The following RUNDC3B variants were observed in gnomAD, a reference collection of about 807,000 sequenced individuals.
RUNDC3B encodes RUN domain-containing protein 3B.
Under a neutral mutation model 58.4 loss-of-function variants are expected in RUNDC3B, and 33 were observed. The observed-to-expected ratio is 0.56, with a 90% CI of 0.43 to 0.75. RUNDC3B has a LOEUF of 0.75. Ranked by LOEUF, RUNDC3B falls within the 30% of genes least tolerant of loss-of-function variation. RUNDC3B has a pLI of 0.00. For missense variants in RUNDC3B, 501 were observed against 535.7 expected (o/e 0.94, Z 0.64); for synonymous variants, 193 against 195.2 (o/e 0.99, Z 0.10).
chr7:87,722,360 AC>A (rs1042980842), intron 4 of RUNDC3B, among the ~76,000 whole-genome samples: 2 of 151,676 alleles, frequency 1.3e-5, no homozygotes, highest in African/African-American at 4.8e-5. Context: ...CCATGCCCCT[AC>A]CCCCCAGCCT....
At chr7:87,819,352 A>G (rs923097105) in intron 10 of RUNDC3B, among the ~76,000 whole-genome samples, 23 of 152,084 alleles carry the variant, frequency 1.5e-4, no homozygotes, top group Non-Finnish European at 2.9e-4. Context: ...CTAAATATAT[A>G]TGCACCCAAT....
chr7:87,720,710 C>T (rs568818968), intron 4 of RUNDC3B, among the ~76,000 whole-genome samples: 24 of 151,430 alleles, frequency 1.6e-4, no homozygotes, highest in African/African-American at 4.6e-4. Context: ...AAATGATTCT[C>T]CTGACTCAGC....
At chr7:87,811,994 T>C (rs1318077364) in intron 9 of RUNDC3B, among the ~76,000 whole-genome samples, 3 of 152,240 alleles carry the variant, frequency 2.0e-5, no homozygotes, top group Non-Finnish European at 4.4e-5. Flanking sequence ...TTTTGGATAA[T>C]GCTCATCTCC....
At chr7:87,680,268 G>A (rs372629857) in intron 2 of RUNDC3B, among the ~76,000 whole-genome samples, 2 of 150,466 alleles carry the variant, frequency 1.3e-5, no homozygotes, top group Non-Finnish European at 2.9e-5. Flanking sequence ...TCTTAATCCA[G>A]TCTATCATTG....
chr7:87,628,616 TGTGTGTGTG>T lies in RUNDC3B; in HGVS notation c.-206_-198del. Reference sequence around the variant, plus strand: ...GTGTGTGTGTGTGTGTGTGTGTGTGTGTGTGTGTGGAGCTCGGGTGCCAAGGGCGAGCCG... The same window carrying T: ...GTGTGTGTGTGTGTGTGTGTGTGTGTGAGCTCGGGTGCCAAGGGCGAGCCG... On this transcript the variant is annotated 5_prime_UTR_variant, in exon 1 of 11. Transcript: ENST00000394654. 1 of 315,420 alleles carries T rather than the reference TGTGTGTGTG, an allele frequency of 3.2e-6. No homozygotes were observed. The highest frequency in any genetic ancestry group is 5.7e-6 in the Non-Finnish European group (1 of 176,064). The allele number at this position is 315,420 out of a possible 1,614,324, so 19.5% of individuals were successfully genotyped here. A position where few individuals can be genotyped will look rare whatever the true frequency, so the allele number is the denominator to read the frequency against.
At chr7:87,735,217 A>C (rs2130801262) in intron 4 of RUNDC3B, among the ~76,000 whole-genome samples, 1 of 152,276 alleles carries the variant, frequency 6.6e-6, no homozygotes, top group East Asian at 1.9e-4. Flanking sequence ...TTTCTCCCTC[A>C]TTCCCTGTAA....
chr7:87,789,861 A>G (rs1219331362), intron 8 of RUNDC3B, among the ~76,000 whole-genome samples: 1 of 152,218 alleles, frequency 6.6e-6, no homozygotes, highest in African/African-American at 2.4e-5. Context: ...TACCCTCAGT[A>G]TAACAGAACA....
At chr7:87,751,544 C>G in intron 6 of RUNDC3B, among the ~76,000 whole-genome samples, 1 of 152,186 alleles carries the variant, frequency 6.6e-6, no homozygotes, top group Non-Finnish European at 1.5e-5. Flanking sequence ...CTTGTATCCT[C>G]TTTTATTTCC....
intron 8 of RUNDC3B, among the ~76,000 whole-genome samples, chr7:87,786,650 G>T (rs1835237256): frequency 6.6e-6 from 1 of 151,630 alleles, no homozygotes; most frequent in Non-Finnish European, 1.5e-5. Flanking sequence ...AACAATACTG[G>T]TAGTTTAAAT....
intron 7 of RUNDC3B, among the ~76,000 whole-genome samples, chr7:87,776,060 A>G (rs1339004955): frequency 1.3e-5 from 2 of 152,218 alleles, no homozygotes; most frequent in African/African-American, 4.8e-5. Context: ...TACTAACATA[A>G]GATCATGTGA....
Position 87,710,671 on chromosome 7 carries a change from T to A in RUNDC3B, c.458+16T>A. 1 of 1,343,784 alleles carries A rather than the reference T, an allele frequency of 7.4e-7. No individual in the cohort carries two copies. Among genetic ancestry groups the A allele is most frequent in the Non-Finnish European group, 1.0e-6 (1 of 956,944 alleles). 83.2% of individuals were successfully genotyped at this position (1,343,784 alleles called of 1,614,324 possible). A position where few individuals can be genotyped will look rare whatever the true frequency, so the allele number is the denominator to read the frequency against. ...AAACAACCAGGTTTAAAAGTCCTTT[T>A]AATTTTCTAATATATATTTGAAAGA... On this transcript the variant is annotated intron_variant, in intron 4 of 10. Transcript: ENST00000394654.
chr7:87,685,683 T>C (rs1014862689), intron 2 of RUNDC3B, among the ~76,000 whole-genome samples: 2 of 152,070 alleles, frequency 1.3e-5, no homozygotes, highest in African/African-American at 4.8e-5. Context: ...GGTTGCAGGG[T>C]GGGGGTTGAC....
At chr7:87,799,670 C>A (rs1465233663) in intron 8 of RUNDC3B, among the ~76,000 whole-genome samples, 1 of 151,794 alleles carries the variant, frequency 6.6e-6, no homozygotes, top group Non-Finnish European at 1.5e-5. Flanking sequence ...GGGTGGATCA[C>A]GAGGTCAAGA....
At chr7:87,655,165 G>A (rs1221628313) in intron 2 of RUNDC3B, among the ~76,000 whole-genome samples, 1 of 151,988 alleles carries the variant, frequency 6.6e-6, no homozygotes, top group Non-Finnish European at 1.5e-5. Context: ...TCTTCTATGT[G>A]ATTAAATAAA....
At chr7:87,672,311 C>T (rs1825902940) in intron 2 of RUNDC3B, among the ~76,000 whole-genome samples, 1 of 152,220 alleles carries the variant, frequency 6.6e-6, no homozygotes, top group African/African-American at 2.4e-5. Flanking sequence ...CTTTCCACCT[C>T]TGGTCAGCTT....
In RUNDC3B at chr7:87,823,825, T is replaced by C. The variant is rs74949045; in HGVS notation, c.1226-6060T>C. 4.8e-3 allele frequency among the ~76,000 whole-genome samples: 684 copies of C among 142,908 alleles called. 5 individuals carry two copies. Among genetic ancestry groups the C allele is most frequent in the East Asian group, 0.045 (160 of 3,580 alleles). The allele number at this position is 142,908 out of a possible 152,430, so 93.8% of individuals were successfully genotyped here. ...ACACACACACACACACACACACACATATATATATACACACTCACCTACATA... is the reference window on the plus strand; with the variant it reads ...ACACACACACACACACACACACACACATATATATACACACTCACCTACATA... On this transcript the variant is annotated intron_variant, in intron 10 of 10. Coordinates refer to ENST00000394654, the MANE Select transcript of RUNDC3B (RefSeq NM_001134405.2).
chr7:87,655,952 C>T (rs1753829639), intron 2 of RUNDC3B, among the ~76,000 whole-genome samples: 1 of 152,060 alleles, frequency 6.6e-6, no homozygotes, highest in Non-Finnish European at 1.5e-5. Flanking sequence ...ACACAACATT[C>T]CTTCACTCTA....
At chr7:87,749,964 G>A (rs1419723152) in intron 6 of RUNDC3B, among the ~76,000 whole-genome samples, 4 of 151,690 alleles carry the variant, frequency 2.6e-5, no homozygotes, top group Admixed American at 1.3e-4. Flanking sequence ...TGCCATGCTG[G>A]TGTGCTGCAC....
At chr7:87,723,212 A>C (rs1211583120) in intron 4 of RUNDC3B, among the ~76,000 whole-genome samples, 2 of 152,206 alleles carry the variant, frequency 1.3e-5, no homozygotes, top group Non-Finnish European at 2.9e-5. Flanking sequence ...ACAAATACCT[A>C]ATAAGTACAG....
Sources: allele counts gnomAD v4.1 joint callset (sites outside exome capture counted in the v4.1 genomes callset), GRCh38; gene constraint gnomAD v4.1.1; transcripts MANE v1.5; gene names NCBI Gene and HGNC (gene_info 2026-07-23, HGNC 2026-07-21).